The following ADAR variants were observed in gnomAD, a reference collection of about 807,000 sequenced individuals.
ADAR encodes double-stranded RNA-specific adenosine deaminase.
ADAR carries 41 observed loss-of-function variants against 113.2 expected under a neutral mutation model. The ratio of observed to expected loss-of-function variants is 0.36; its 90% confidence interval spans 0.28 to 0.47. The LOEUF is 0.47. Among genes scored for constraint, ADAR ranks in the 20% least tolerant of loss-of-function variants. The pLI is 1.00. For synonymous variants in ADAR, 605 were observed against 572.6 expected (o/e 1.06, Z -0.81); for missense variants, 1,242 against 1,540.9 (o/e 0.81, Z 3.25).
intron 11 of ADAR, among the ~76,000 whole-genome samples, chr1:154,587,790 T>C (rs1400169228): frequency 1.3e-5 from 2 of 152,180 alleles, no homozygotes; most frequent in African/African-American, 4.8e-5. Context: ...CCCGCTTTCT[T>C]GAGGTAATCC....
intron 1 of ADAR, among the ~76,000 whole-genome samples, chr1:154,615,594 C>G (rs763495391): frequency 2.0e-5 from 3 of 151,538 alleles, no homozygotes; most frequent in Non-Finnish European, 2.9e-5. Flanking sequence ...AATTTTTTTT[C>G]GTAGAAATAG....
At chr1:154,597,800 A>C in intron 4 of ADAR, 28 bp downstream of exon 4, 2 of 1,613,840 alleles carry the variant, frequency 1.2e-6, no homozygotes, top group Non-Finnish European at 1.7e-6. Flanking sequence ...AGAAAACCTC[A>C]GCTGGACAGA....
At chr1:154,607,811 CCA>C (rs1402791358) in intron 1 of ADAR, among the ~76,000 whole-genome samples, 179 bp downstream of exon 1, 1 of 141,166 alleles carries the variant, frequency 7.1e-6, no homozygotes, top group Non-Finnish European at 1.6e-5. Context: ...CGACACACAC[CCA>C]CACACACACA....
At chr1:154,598,189 T>C (rs1201515887) in intron 3 of ADAR, among the ~76,000 whole-genome samples, 1 of 152,062 alleles carries the variant, frequency 6.6e-6, no homozygotes, top group Admixed American at 6.5e-5. Context: ...AAGTCCGAAA[T>C]TCTGTAAATC....
chr1:154,625,946 G>A (rs1298929665), intron 1 of ADAR, among the ~76,000 whole-genome samples: 4 of 139,254 alleles, frequency 2.9e-5, no homozygotes, highest in Non-Finnish European at 4.5e-5. Context: ...AGAGTTTGCA[G>A]TGAGCTGAGA....
At chr1:154,623,740 T>C (rs1021737638) in intron 1 of ADAR, among the ~76,000 whole-genome samples, 3 of 152,126 alleles carry the variant, frequency 2.0e-5, no homozygotes, top group Admixed American at 6.5e-5. Context: ...CAGTAGCTCA[T>C]GCCTGTAATC....
chr1:154,589,759 G>A lies in ADAR; in HGVS notation c.2666C>T (p.Thr889Ile). 1 of 1,614,112 alleles carries A rather than the reference G, an allele frequency of 6.2e-7. No individual in the cohort carries two copies. The highest frequency in any genetic ancestry group is 8.5e-7 in the Non-Finnish European group (1 of 1,180,022). ...GCATGTCTCAGAGCCTCACTCACCT[G>A]TTCCCAAGCTGACGACGACACCCAT... ...EDMGVVVSLGTGNRCVKGDSL... is the reference protein window; with the variant it reads ...EDMGVVVSLGIGNRCVKGDSL... Residue 889 changes from threonine to isoleucine, a missense_variant and splice_region_variant, in exon 8 of 15, where the codon ACA becomes ATA. Physicochemically the swap from Thr to Ile is moderately conservative, Grantham distance 89. Around this residue, in one of 2 missense-constraint regions of ADAR, gnomAD observed 780 missense variants for 1,057.9 expected, o/e 0.74. Coordinates refer to ENST00000368474, the MANE Select transcript of ADAR (RefSeq NM_001111.5).
chr1:154,590,513 G>A (rs1387353421), intron 6 of ADAR, 104 bp from the exon 7 acceptor site: 30 of 1,097,822 alleles, frequency 2.7e-5, no homozygotes, highest in Non-Finnish European at 3.5e-5. Flanking sequence ...CAAACATATG[G>A]ACCCGTCAAA....
chr1:154,588,524 C>T (rs778736829), intron 10 of ADAR, 27 bp downstream of exon 10: 1 of 1,612,760 alleles, frequency 6.2e-7, no homozygotes, highest in Non-Finnish European at 8.5e-7. Flanking sequence ...CAGGGCCCAC[C>T]CTGGCAGCAA....
chr1:154,603,935 T>C (rs771460022), intron 1 of ADAR, among the ~76,000 whole-genome samples: 12 of 152,180 alleles, frequency 7.9e-5, no homozygotes, highest in Non-Finnish European at 1.6e-4. Context: ...ATCACTCTCA[T>C]GGTGTCCTGG....
chr1:154,606,945 A>AT (rs59439306), intron 1 of ADAR, among the ~76,000 whole-genome samples: 3,631 of 81,924 alleles, frequency 0.044, 59 homozygotes, highest in African/African-American at 0.073. Context: ...TAAAAAAAAA[A>AT]AAATATATAT....
chr1:154,608,079 C>A lies in ADAR; in HGVS notation c.-73G>T. ...TGGCCCGACCGCTGGGCCGCGCCAG[C>A]CCCTCGAGGCCCCCACGCCTCCGCT... On this transcript the variant is annotated 5_prime_UTR_variant, in exon 1 of 15. Coordinates refer to ENST00000368474, the MANE Select transcript of ADAR (RefSeq NM_001111.5). The A allele has an allele frequency of 6.8e-7, 1 of 1,480,008 alleles. No individual in the cohort carries two copies. 91.7% of individuals were successfully genotyped at this position (1,480,008 alleles called of 1,614,324 possible). A position where few individuals can be genotyped will look rare whatever the true frequency, so the allele number is the denominator to read the frequency against.
intron 1 of ADAR, among the ~76,000 whole-genome samples, chr1:154,615,193 A>G (rs4845384): frequency 0.69 from 105,568 of 151,960 alleles, 36,701 homozygotes; most frequent in South Asian, 0.75. Flanking sequence ...ATAAATTTCC[A>G]TTGTTTTAAG....
chr1:154,607,025 T>A (rs548328322), intron 1 of ADAR, among the ~76,000 whole-genome samples: 5 of 152,200 alleles, frequency 3.3e-5, no homozygotes, highest in African/African-American at 1.2e-4. Flanking sequence ...TATAAATCTA[T>A]GAATTTCGAC....
chr1:154,588,731 T>G, intron 9 of ADAR, 58 bp from the exon 10 acceptor site: 1 of 1,609,752 alleles, frequency 6.2e-7, no homozygotes, highest in South Asian at 1.1e-5. Flanking sequence ...AGCAGTTGTT[T>G]CTATAATCTG....
At position 154,584,732 on chromosome 1, in the gene ADAR, G is replaced by A; in HGVS notation, c.*74C>T. On this transcript the variant is annotated 3_prime_UTR_variant, in exon 15 of 15. Coordinates refer to ENST00000368474, the MANE Select transcript of ADAR (RefSeq NM_001111.5). ...AGAAAAAAAAATCCCCTGACCATGT[G>A]ATGAGGAATGCTACGACCTACCTCT... 1 of 1,268,722 alleles carries A rather than the reference G, an allele frequency of 7.9e-7. No individual in the cohort carries two copies. The highest frequency in any genetic ancestry group is 1.1e-6 in the Non-Finnish European group (1 of 876,084). 78.6% of individuals were successfully genotyped at this position (1,268,722 alleles called of 1,614,324 possible). A position where few individuals can be genotyped will look rare whatever the true frequency, so the allele number is the denominator to read the frequency against.
chr1:154,626,390 C>T (rs963341790), intron 1 of ADAR, among the ~76,000 whole-genome samples: 6 of 152,168 alleles, frequency 3.9e-5, no homozygotes, highest in Non-Finnish European at 7.4e-5. Context: ...GCTGGGATTA[C>T]AGGCATGAGC....
intron 12 of ADAR, 61 bp from the exon 13 acceptor site, chr1:154,585,926 G>A (rs1696727408): frequency 6.9e-7 from 1 of 1,456,742 alleles, no homozygotes. Context: ...TTAAGAGGCA[G>A]AAGCATGTGG....
At chr1:154,606,326 C>T (rs1698187350) in intron 1 of ADAR, among the ~76,000 whole-genome samples, 1 of 152,134 alleles carries the variant, frequency 6.6e-6, no homozygotes. Context: ...GCTACCACGC[C>T]CGGCCAGTTA....
Sources: gnomAD v4.1 joint callset for allele counts (sites outside exome capture counted in the v4.1 genomes callset) on GRCh38, gnomAD v4.1.1 for gene constraint, gnomAD v4.1.1 regional missense constraint, MANE v1.5 for transcripts, NCBI Gene and HGNC (gene_info 2026-07-23, HGNC 2026-07-21) for gene names.